SUCLG2: variants seen among roughly 807,000 people sequenced by gnomAD.
SUCLG2 encodes the protein succinate--CoA ligase [GDP-forming] subunit beta, mitochondrial.
SUCLG2 carries 42 observed loss-of-function variants against 47.9 expected under a neutral mutation model. The observed-to-expected ratio is 0.88, with a 90% CI of 0.69 to 1.14. The LOEUF (loss-of-function observed/expected upper bound fraction) is 1.14. Among genes scored for constraint, SUCLG2 ranks in the 50% most tolerant of loss-of-function variants. The probability of loss-of-function intolerance (pLI) is 0.00; values close to 1 mark genes in which losing one functional copy is unlikely to be tolerated. For synonymous variants in SUCLG2, 195 were observed against 197.3 expected (o/e 0.99, Z 0.10); for missense variants, 571 against 525.9 (o/e 1.09, Z -0.84).
At chr3:67,559,526 C>T (rs1009067744) in intron 2 of SUCLG2, among the ~76,000 whole-genome samples, 2 of 152,084 alleles carry the variant, frequency 1.3e-5, no homozygotes, top group African/African-American at 2.4e-5. Flanking sequence ...ATAGGGGAAA[C>T]CACCGCCATG....
At chr3:67,654,378 C>T in intron 1 of SUCLG2, 125 bp downstream of exon 1, 1 of 765,294 alleles carries the variant, frequency 1.3e-6, no homozygotes, top group Non-Finnish European at 1.8e-6. Context: ...GCGTCACCTC[C>T]CGAAGTGGGG....
chr3:67,426,648 T>G (rs1042980488), intron 9 of SUCLG2, among the ~76,000 whole-genome samples: 1 of 152,164 alleles, frequency 6.6e-6, no homozygotes, highest in African/African-American at 2.4e-5. Flanking sequence ...ATAGGTGGCA[T>G]GCTGGGCGCA....
intron 10 of SUCLG2, among the ~76,000 whole-genome samples, chr3:67,384,497 A>G (rs2106775856): frequency 6.6e-6 from 1 of 152,366 alleles, no homozygotes. Flanking sequence ...AACAGGGAAT[A>G]TACAGACACA....
At chr3:67,485,146 G>A (rs532373202) in intron 9 of SUCLG2, among the ~76,000 whole-genome samples, 1 of 152,322 alleles carries the variant, frequency 6.6e-6, no homozygotes, top group East Asian at 1.9e-4. Context: ...TAGAGGGACT[G>A]TGTCAAATAT....
intron 2 of SUCLG2, among the ~76,000 whole-genome samples, chr3:67,603,833 C>T (rs1031571925): frequency 1.3e-5 from 2 of 152,110 alleles, no homozygotes; most frequent in African/African-American, 4.8e-5. Flanking sequence ...TCAAAGAGAA[C>T]TGAAAAGGTA....
rs188115165 is a variant in SUCLG2 at position 67,469,454 on chromosome 3, G to A, written c.1062+26344C>T. The stretch of plus-strand genomic sequence containing the variant: ...TTTTAAAATAATTTTTTTTGGCTGG[G>A]TGCGGTGGCTCACGCCTGTAATTAT... On this transcript the variant is annotated intron_variant, in intron 9 of 10. Transcript: ENST00000307227. Among the ~76,000 whole-genome samples the A allele has an allele frequency of 3.5e-3, 527 of 152,260 alleles. 3 individuals carry two copies. The highest frequency in any genetic ancestry group is 0.012 in the African/African-American group (508 of 41,552).
chr3:67,547,951 T>C (rs1324907311), intron 2 of SUCLG2, among the ~76,000 whole-genome samples: 1 of 152,186 alleles, frequency 6.6e-6, no homozygotes, highest in Non-Finnish European at 1.5e-5. Context: ...CACAGCATGA[T>C]GCAAAACAAA....
chr3:67,590,585 T>C (rs1321320259), intron 2 of SUCLG2, among the ~76,000 whole-genome samples: 1 of 152,192 alleles, frequency 6.6e-6, no homozygotes, highest in Non-Finnish European at 1.5e-5. Context: ...TCTCTCACCA[T>C]GTGACATGCC....
intron 1 of SUCLG2, among the ~76,000 whole-genome samples, chr3:67,641,196 C>T (rs140008711): frequency 3.9e-5 from 6 of 152,280 alleles, no homozygotes; most frequent in Admixed American, 2.6e-4. Flanking sequence ...AATTGCAACT[C>T]GTCTGTCTTT....
At chr3:67,425,966 A>C (rs902087924) in intron 9 of SUCLG2, among the ~76,000 whole-genome samples, 15 of 152,200 alleles carry the variant, frequency 9.9e-5, no homozygotes, top group African/African-American at 3.6e-4. Context: ...TTAGAGAGGA[A>C]TTCCAGCTCA....
intron 10 of SUCLG2, among the ~76,000 whole-genome samples, chr3:67,382,955 T>A (rs768782745): frequency 3.3e-5 from 5 of 152,182 alleles, no homozygotes; most frequent in Non-Finnish European, 7.3e-5. Context: ...GGCAATTAGA[T>A]AGAGGAGGTC....
intron 6 of SUCLG2, among the ~76,000 whole-genome samples, chr3:67,516,793 C>A (rs1180332661): frequency 6.6e-6 from 1 of 152,172 alleles, no homozygotes; most frequent in East Asian, 1.9e-4. Flanking sequence ...ATGGAGGAGG[C>A]AGACAGGGTC....
At chr3:67,435,464 C>T (rs1248829320) in intron 9 of SUCLG2, among the ~76,000 whole-genome samples, 1 of 151,972 alleles carries the variant, frequency 6.6e-6, no homozygotes, top group African/African-American at 2.4e-5. Context: ...AAGTAAGATG[C>T]CACCTTTATT....
chr3:67,504,868 A>T (rs566866559), intron 7 of SUCLG2, among the ~76,000 whole-genome samples: 20 of 152,374 alleles, frequency 1.3e-4, no homozygotes, highest in Middle Eastern at 3.4e-3. Context: ...ATAAATAAAT[A>T]AATAATGATA....
At chr3:67,597,321 T>C (rs1708316483) in intron 2 of SUCLG2, among the ~76,000 whole-genome samples, 1 of 152,216 alleles carries the variant, frequency 6.6e-6, no homozygotes, top group African/African-American at 2.4e-5. Context: ...CATGACCCAA[T>C]GACATTAGAG....
chr3:67,399,085 T>A (rs1205779539), intron 10 of SUCLG2, among the ~76,000 whole-genome samples: 1 of 150,608 alleles, frequency 6.6e-6, no homozygotes, highest in Non-Finnish European at 1.5e-5. Flanking sequence ...GACGAGTTAA[T>A]CGGTGCAGCA....
intron 10 of SUCLG2, among the ~76,000 whole-genome samples, chr3:67,383,842 C>T (rs1172547124): frequency 6.6e-6 from 1 of 152,084 alleles, no homozygotes; most frequent in Non-Finnish European, 1.5e-5. Flanking sequence ...CAAGCAAGAA[C>T]ACCTTACACT....
intron 2 of SUCLG2, among the ~76,000 whole-genome samples, chr3:67,570,543 T>C (rs1169147919): frequency 1.3e-5 from 2 of 152,190 alleles, no homozygotes. Flanking sequence ...GGGCTGGGCA[T>C]GACAGAAAGA....
At chr3:67,607,734 A>G (rs1413028398) in intron 2 of SUCLG2, among the ~76,000 whole-genome samples, 1 of 152,200 alleles carries the variant, frequency 6.6e-6, no homozygotes, top group African/African-American at 2.4e-5. Context: ...CCAGGGGGAG[A>G]TAACTGAATC....
Sources: allele counts gnomAD v4.1 joint callset (sites outside exome capture counted in the v4.1 genomes callset), GRCh38; gene constraint gnomAD v4.1.1; transcripts MANE v1.5; gene names NCBI Gene and HGNC (gene_info 2026-07-23, HGNC 2026-07-21).